The following SLC1A3 variants were observed in gnomAD, a reference collection of about 807,000 sequenced individuals.
SLC1A3 encodes solute carrier family 1 member 3.
In SLC1A3, 21 loss-of-function variants were observed where a neutral mutation model predicts 48.1. The ratio of observed to expected loss-of-function variants is 0.44; its 90% CI spans 0.31 to 0.63. The LOEUF is 0.63. Ranked by LOEUF, SLC1A3 falls within the 20% of genes least tolerant of loss-of-function variation. The probability of loss-of-function intolerance (pLI) is 0.08; values close to 1 mark genes in which losing one functional copy is unlikely to be tolerated. For synonymous variants in SLC1A3, 239 were observed against 251.4 expected (o/e 0.95, Z 0.47); for missense variants, 546 against 689.0 (o/e 0.79, Z 2.32).
chr5:36,600,583 C>T (rs1291440069), intron 1 of SLC1A3, among the ~76,000 whole-genome samples: 1 of 152,184 alleles, frequency 6.6e-6, no homozygotes, highest in Non-Finnish European at 1.5e-5. Context: ...TGTGATCCAT[C>T]CTTCCTGGGG....
At chr5:36,648,573 T>C (rs909216391) in intron 3 of SLC1A3, among the ~76,000 whole-genome samples, 1 of 152,200 alleles carries the variant, frequency 6.6e-6, no homozygotes, top group African/African-American at 2.4e-5. Context: ...TCATAATCAC[T>C]GTGTTCTTGT....
chr5:36,608,766 G>A (rs1463244536), intron 2 of SLC1A3, 162 bp downstream of exon 2: 3 of 1,447,528 alleles, frequency 2.1e-6, no homozygotes, highest in Non-Finnish European at 2.7e-6. Flanking sequence ...GACTGTTTTG[G>A]CTTGTTTGGA....
At chr5:36,644,168 A>G (rs1399375455) in intron 3 of SLC1A3, among the ~76,000 whole-genome samples, 1 of 148,620 alleles carries the variant, frequency 6.7e-6, no homozygotes, top group Non-Finnish European at 1.5e-5. Flanking sequence ...TATAATAGCC[A>G]AAACCAAAAA....
chr5:36,657,120 G>A (rs1741316706), intron 3 of SLC1A3, among the ~76,000 whole-genome samples: 1 of 152,086 alleles, frequency 6.6e-6, no homozygotes, highest in Non-Finnish European at 1.5e-5. Context: ...CTATCTAGAG[G>A]GGAAGGATAT....
At chr5:36,638,074 C>G (rs888705080) in intron 3 of SLC1A3, among the ~76,000 whole-genome samples, 1 of 152,126 alleles carries the variant, frequency 6.6e-6, no homozygotes, top group Admixed American at 6.5e-5. Context: ...AGTTCAGATA[C>G]CCCCTCTTCT....
Position 36,617,723 on chromosome 5 carries a change from A to G in SLC1A3, c.181+9119A>G, listed in dbSNP as rs1739504412. ...CAATATACCTGGGATATTATTCCTT[A>G]GCACGTAGAAAGGCCCCTCATTCTT... On this transcript the variant is annotated intron_variant, in intron 2 of 9. Coordinates refer to ENST00000265113, the MANE Select transcript of SLC1A3 (RefSeq NM_004172.5). 2.0e-5 allele frequency among the ~76,000 whole-genome samples: 3 copies of G among 152,138 alleles called. No homozygotes were observed. The South Asian group carries it at 6.2e-4, about 31-fold the overall frequency.
chr5:36,637,119 T>C (rs1241736774), intron 3 of SLC1A3, among the ~76,000 whole-genome samples: 1 of 152,190 alleles, frequency 6.6e-6, no homozygotes, highest in Non-Finnish European at 1.5e-5. Context: ...ACCATCTTGA[T>C]TGCCTCTCCA....
rs1304746893 is a variant in SLC1A3 at position 36,608,351 on chromosome 5, G to A, written c.-73G>A. The stretch of plus-strand genomic sequence containing the variant: ...TAGTTGTGTTTTCTAATACCAAAGA[G>A]GAGGTTTGGCTTTCTGTGGGTGATT... On this transcript the variant is annotated 5_prime_UTR_variant, in exon 2 of 10. Coordinates refer to ENST00000265113, the MANE Select transcript of SLC1A3 (RefSeq NM_004172.5). The A allele has an allele frequency of 1.5e-6, 2 of 1,375,944 alleles. No homozygotes were observed. The highest frequency in any genetic ancestry group is 1.0e-6 in the Non-Finnish European group (1 of 969,802). 85.2% of individuals were successfully genotyped at this position (1,375,944 alleles called of 1,614,324 possible). A position where few individuals can be genotyped will look rare whatever the true frequency, so the allele number is the denominator to read the frequency against.
At chr5:36,600,578 T>C (rs545541048) in intron 1 of SLC1A3, among the ~76,000 whole-genome samples, 2 of 152,312 alleles carry the variant, frequency 1.3e-5, no homozygotes, top group African/African-American at 4.8e-5. Flanking sequence ...GCAAGTGTGA[T>C]CCATCCTTCC....
intron 2 of SLC1A3, among the ~76,000 whole-genome samples, chr5:36,618,707 T>C (rs552516318): frequency 6.6e-6 from 1 of 152,276 alleles, no homozygotes; most frequent in Admixed American, 6.5e-5. Flanking sequence ...CACCAGCATA[T>C]AACACACAAA....
intron 3 of SLC1A3, chr5:36,669,341 T>A (rs1741893035): frequency 6.6e-6 from 1 of 152,234 alleles, no homozygotes; most frequent in South Asian, 2.1e-4. Context: ...AGTTGAAATG[T>A]TGAAGTGGTG....
intron 1 of SLC1A3, among the ~76,000 whole-genome samples, chr5:36,599,493 G>A (rs985175470): frequency 4.5e-5 from 6 of 134,344 alleles, no homozygotes; most frequent in African/African-American, 1.7e-4. Flanking sequence ...CCTACACATC[G>A]TAGCTACGGT....
intron 2 of SLC1A3, among the ~76,000 whole-genome samples, chr5:36,611,414 ATAT>A (rs903080675): frequency 2.0e-5 from 3 of 152,002 alleles, no homozygotes; most frequent in Admixed American, 2.0e-4. Context: ...AACTAGAAAA[ATAT>A]TATGATAAAG....
intron 2 of SLC1A3, among the ~76,000 whole-genome samples, chr5:36,624,057 C>T (rs1739803822): frequency 6.6e-6 from 1 of 152,052 alleles, no homozygotes; most frequent in South Asian, 2.1e-4. Context: ...TCGTATTCAC[C>T]GCATTTCCTC....
chr5:36,677,601 CA>C (rs1409854692), intron 6 of SLC1A3, among the ~76,000 whole-genome samples: 1 of 152,170 alleles, frequency 6.6e-6, no homozygotes, highest in Non-Finnish European at 1.5e-5. Flanking sequence ...AGACAATAAA[CA>C]AACAAATCAA....
intron 4 of SLC1A3, among the ~76,000 whole-genome samples, chr5:36,673,833 G>A (rs1469564406): frequency 6.6e-6 from 1 of 152,138 alleles, no homozygotes; most frequent in African/African-American, 2.4e-5. Context: ...GAGGATAAAT[G>A]AGTCAAGTTT....
upstream of SLC1A3, among the ~76,000 whole-genome samples, chr5:36,602,605 C>G (rs958289243): frequency 1.3e-5 from 2 of 152,196 alleles, no homozygotes; most frequent in Non-Finnish European, 2.9e-5. Flanking sequence ...AGCAGACCCT[C>G]TTTAGCTTTA....
Position 36,686,176 on chromosome 5 carries a change from A to C in SLC1A3, c.1536A>C (p.Ser512=). Residue 512 remains serine, a synonymous_variant, in exon 10 of 10, where the codon TCA becomes TCC. Coordinates refer to ENST00000265113, the MANE Select transcript of SLC1A3 (RefSeq NM_004172.5). The part of the protein sequence containing the change: ...LKNRDVEMGN[S]VIEENEMKKP... ...ACAGAGATGTTGAAATGGGTAACTCAGTGATTGAAGAGAATGAAATGAAGA... is the reference window on the plus strand; with the variant it reads ...ACAGAGATGTTGAAATGGGTAACTCCGTGATTGAAGAGAATGAAATGAAGA... 1 of 1,613,796 alleles carries C rather than the reference A, an allele frequency of 6.2e-7. No homozygotes were observed. The highest frequency in any genetic ancestry group is 1.1e-5 in the South Asian group (1 of 91,072).
chr5:36,613,159 A>T (rs1052279467), intron 2 of SLC1A3: 1 of 229,584 alleles, frequency 4.4e-6, no homozygotes, highest in African/African-American at 2.3e-5. Context: ...TGCATATACA[A>T]TGGAAGAAGC....
Sources: allele counts gnomAD v4.1 joint callset (sites outside exome capture counted in the v4.1 genomes callset), GRCh38; gene constraint gnomAD v4.1.1; transcripts MANE v1.5; gene names NCBI Gene and HGNC (gene_info 2026-07-23, HGNC 2026-07-21).